Variants in LRP5 observed in about 807,000 individuals in gnomAD.
LRP5 encodes the protein LDL receptor related protein 5.
LRP5 carries 62 observed loss-of-function variants against 154.1 expected under a neutral mutation model. The observed-to-expected ratio is 0.40, with a 90% confidence interval of 0.33 to 0.50. LRP5 has a LOEUF of 0.50. Among genes scored for constraint, LRP5 ranks in the 20% least tolerant of loss-of-function variants. The pLI, the probability that LRP5 is intolerant of heterozygous loss-of-function variation, is 0.55. For synonymous variants in LRP5, 966 were observed against 1,011.5 expected (o/e 0.96, Z 0.85); for missense variants, 1,915 against 2,336.7 (o/e 0.82, Z 3.72).
chr11:68,347,005 A>T (rs2098613552), intron 1 of LRP5, among the ~76,000 whole-genome samples: 1 of 152,164 alleles, frequency 6.6e-6, no homozygotes, highest in African/African-American at 2.4e-5. Context: ...CACAGGCAGA[A>T]GGGGCTGAGG....
chr11:68,308,923 A>ATTT (rs34529621), upstream of LRP5, among the ~76,000 whole-genome samples: 143 of 74,468 alleles, frequency 1.9e-3, 2 homozygotes, highest in Middle Eastern at 0.01. Flanking sequence ...TAATCAGCTA[A>ATTT]TTTTTTTTTT....
At chr11:68,376,180 T>TC (rs2098637238) in intron 5 of LRP5, among the ~76,000 whole-genome samples, 1 of 147,748 alleles carries the variant, frequency 6.8e-6, no homozygotes, top group Admixed American at 6.7e-5. Flanking sequence ...TCTTTTTTTT[T>TC]TTTTTTTTTT....
intron 5 of LRP5, among the ~76,000 whole-genome samples, chr11:68,372,374 C>T (rs1394759571): frequency 6.9e-5 from 9 of 129,582 alleles, no homozygotes; most frequent in East Asian, 2.4e-4. Context: ...CAGGCAGACC[C>T]GGGACCGTGG....
upstream of LRP5, among the ~76,000 whole-genome samples, chr11:68,309,429 T>C (rs2098586330): frequency 6.6e-6 from 1 of 151,212 alleles, no homozygotes; most frequent in Non-Finnish European, 1.5e-5. Flanking sequence ...AAACGGGGGT[T>C]TTACCATGTT....
chr11:68,421,116 A>C (rs2098665350), intron 13 of LRP5, among the ~76,000 whole-genome samples: 2 of 152,064 alleles, frequency 1.3e-5, no homozygotes, highest in South Asian at 4.1e-4. Context: ...AGTCCCAGCT[A>C]CTTGGGAGGC....
At chr11:68,406,007 C>G (rs1368491272) in intron 8 of LRP5, among the ~76,000 whole-genome samples, 1 of 152,362 alleles carries the variant, frequency 6.6e-6, no homozygotes, top group African/African-American at 2.4e-5. Flanking sequence ...CCGAGCTGCT[C>G]CCTGACTTCC....
intron 13 of LRP5, among the ~76,000 whole-genome samples, chr11:68,422,014 GC>G (rs1465218036): frequency 1.3e-5 from 2 of 152,110 alleles, no homozygotes; most frequent in African/African-American, 2.4e-5. Flanking sequence ...TGCAGCCTCG[GC>G]CTCCCAGGCT....
Position 68,426,123 on chromosome 11 carries a change from C to A in LRP5, c.3573C>A (p.Ile1191=), listed in dbSNP as rs2098668639. The A allele has an allele frequency of 1.9e-6, 3 of 1,613,292 alleles. No homozygotes were observed. The highest frequency in any genetic ancestry group is 2.5e-6 in the Non-Finnish European group (3 of 1,180,028). ...EKTTGDKRTR[I]QGRVAHLTGI... is the part of the protein sequence containing the mutation. ...CCACCGGGGACAAGCGGACTCGCATCCAGGGCCGTGTCGCCCACCTCACTG... is the reference window on the plus strand; with the variant it reads ...CCACCGGGGACAAGCGGACTCGCATACAGGGCCGTGTCGCCCACCTCACTG... Residue 1191 remains isoleucine (I), a synonymous_variant, in exon 16 of 23, where the codon ATC becomes ATA. Coordinates refer to ENST00000294304, the MANE Select transcript of LRP5 (RefSeq NM_002335.4).
intron 1 of LRP5, among the ~76,000 whole-genome samples, chr11:68,325,963 C>G (rs1487667325): frequency 1.3e-5 from 2 of 152,236 alleles, no homozygotes; most frequent in Non-Finnish European, 2.9e-5. Context: ...TGACGACCCC[C>G]CGGGGACTCT....
chr11:68,349,269 G>T (rs2098616361), intron 2 of LRP5, among the ~76,000 whole-genome samples: 1 of 151,968 alleles, frequency 6.6e-6, no homozygotes, highest in Non-Finnish European at 1.5e-5. Context: ...CTGACCTCAG[G>T]TGATCCACCC....
At chr11:68,357,178 AC>A (rs1176902418) in intron 2 of LRP5, among the ~76,000 whole-genome samples, 19 of 151,820 alleles carry the variant, frequency 1.3e-4, no homozygotes, top group African/African-American at 4.4e-4. Context: ...CTCGTGATCC[AC>A]CCGCCTTGGC....
At position 68,328,223 on chromosome 11, in the gene LRP5, T is replaced by C. The variant is rs1206167610; in HGVS notation, c.91+15418T>C. On this transcript the variant is annotated intron_variant, in intron 1 of 22. Coordinates refer to ENST00000294304, the MANE Select transcript of LRP5 (RefSeq NM_002335.4). ...CTTCGGGCCTTGGCATCCACGTTGC[T>C]GCAATTTTCCAGGAACAGTAGATCA... is the stretch of plus-strand genomic sequence containing the variant. Among the ~76,000 whole-genome samples the C allele has an allele frequency of 2.2e-5, 3 of 133,450 alleles. No homozygotes were observed. The Admixed American group carries it at 2.5e-4, about 11-fold the overall frequency. The allele number at this position is 133,450 out of a possible 152,430, so 87.5% of individuals were successfully genotyped here.
At chr11:68,432,115 C>T (rs539730441) in intron 17 of LRP5, among the ~76,000 whole-genome samples, 38 of 152,362 alleles carry the variant, frequency 2.5e-4, no homozygotes, top group African/African-American at 9.1e-4. Context: ...TTCAGCCCTT[C>T]CCTGAGCCGG....
chr11:68,440,875 T>C (rs955326513), intron 21 of LRP5, among the ~76,000 whole-genome samples: 1 of 152,122 alleles, frequency 6.6e-6, no homozygotes, highest in African/African-American at 2.4e-5. Context: ...TTCAAGCAGT[T>C]CCCCTGCCTC....
intron 1 of LRP5, among the ~76,000 whole-genome samples, chr11:68,345,252 G>A (rs1028302543): frequency 2.0e-5 from 3 of 152,012 alleles, no homozygotes; most frequent in African/African-American, 4.8e-5. Context: ...GTAGAGGGAC[G>A]CTTGGGTTGC....
intron 13 of LRP5, among the ~76,000 whole-genome samples, chr11:68,421,801 G>A (rs2098665947): frequency 6.9e-6 from 1 of 144,268 alleles, no homozygotes; most frequent in Non-Finnish European, 1.5e-5. Context: ...TGTGGGGTGT[G>A]TGTGTGTGTG....
At chr11:68,374,175 C>T (rs1207770072) in intron 5 of LRP5, among the ~76,000 whole-genome samples, 2 of 152,174 alleles carry the variant, frequency 1.3e-5, no homozygotes, top group East Asian at 1.9e-4. Context: ...TCGAGTCTGA[C>T]GGGCAGACTG....
intron 7 of LRP5, among the ~76,000 whole-genome samples, chr11:68,399,243 C>G (rs900017384): frequency 6.6e-6 from 1 of 151,848 alleles, no homozygotes; most frequent in Non-Finnish European, 1.5e-5. Flanking sequence ...TGGTGGCTCA[C>G]GCCTGTGGTC....
intron 7 of LRP5, among the ~76,000 whole-genome samples, chr11:68,401,511 T>G (rs1450889679): frequency 1.3e-5 from 2 of 152,108 alleles, no homozygotes; most frequent in Non-Finnish European, 2.9e-5. Context: ...TGTTTGCTGT[T>G]TTGTTGTTTC....
Sources: gnomAD v4.1 joint callset for allele counts (sites outside exome capture counted in the v4.1 genomes callset) on GRCh38, gnomAD v4.1.1 for gene constraint, MANE v1.5 for transcripts, NCBI Gene and HGNC (gene_info 2026-07-23, HGNC 2026-07-21) for gene names.